Variants in MNAT1 observed in about 807,000 individuals in gnomAD.
The protein encoded by MNAT1 is CDK-activating kinase assembly factor MAT1.
A neutral mutation model predicts 42.0 loss-of-function variants in MNAT1; 43 were observed. That is an observed-to-expected ratio of 1.02 (90% confidence interval 0.80 to 1.32). The LOEUF is 1.32. MNAT1 is among the 40% of genes most tolerant of loss of function. The probability of loss-of-function intolerance (pLI) is 0.00; values close to 1 mark genes in which losing one functional copy is unlikely to be tolerated. For missense variants in MNAT1, 306 were observed against 350.4 expected (o/e 0.87, Z 1.01); for synonymous variants, 118 against 120.0 (o/e 0.98, Z 0.11).
chr14:60,862,013 A>G (rs1041950314), intron 6 of MNAT1, among the ~76,000 whole-genome samples: 3 of 152,262 alleles, frequency 2.0e-5, no homozygotes, highest in Non-Finnish European at 2.9e-5. Context: ...CCGAATTACA[A>G]TTGAACTTTG....
In MNAT1 at chr14:60,748,198, G is replaced by GA. The variant is rs900772970; in HGVS notation, c.89+13260dup. The stretch of plus-strand genomic sequence containing the variant: ...GACAACAGAGCGAGACTCTGTCTCA[G>GA]AAAAAAAAAAAAAGAAGAAAATATT... On this transcript the variant is annotated intron_variant, in intron 1 of 7. Transcript: ENST00000261245. 7.0e-3 allele frequency among the ~76,000 whole-genome samples: 957 copies of GA among 136,128 alleles called. 14 individuals carry two copies. The highest frequency in any genetic ancestry group is 0.058 in the East Asian group (271 of 4,702). 89.3% of individuals were successfully genotyped at this position (136,128 alleles called of 152,430 possible). A position where few individuals can be genotyped will look rare whatever the true frequency, so the allele number is the denominator to read the frequency against.
chr14:60,899,716 C>T (rs1452385903), intron 7 of MNAT1, among the ~76,000 whole-genome samples: 1 of 152,156 alleles, frequency 6.6e-6, no homozygotes, highest in African/African-American at 2.4e-5. Context: ...AAATCTATGA[C>T]TCTTGAAGAA....
At chr14:60,880,820 G>A (rs2351281) in intron 7 of MNAT1, among the ~76,000 whole-genome samples, 143,366 of 152,228 alleles carry the variant, frequency 0.94, 67,826 homozygotes, top group Non-Finnish European at 0.99. Flanking sequence ...CCTACAGCCT[G>A]CAAGCATGAA....
intron 7 of MNAT1, among the ~76,000 whole-genome samples, chr14:60,925,928 A>G (rs1244769256): frequency 6.6e-6 from 1 of 152,210 alleles, no homozygotes; most frequent in Non-Finnish European, 1.5e-5. Flanking sequence ...TGCCAGAGTA[A>G]TGTTATAGAA....
intron 1 of MNAT1, among the ~76,000 whole-genome samples, chr14:60,790,150 TA>T (rs2031772973): frequency 6.6e-6 from 1 of 152,122 alleles, no homozygotes; most frequent in Admixed American, 6.5e-5. Flanking sequence ...TTAGGATGAT[TA>T]TTTTCATAGG....
chr14:60,901,326 A>G (rs185428236), intron 7 of MNAT1, among the ~76,000 whole-genome samples: 1 of 152,312 alleles, frequency 6.6e-6, no homozygotes, highest in Non-Finnish European at 1.5e-5. Flanking sequence ...ACTGCTACTC[A>G]TTGACATTAC....
At chr14:60,837,432 C>T (rs2033423273) in intron 6 of MNAT1, among the ~76,000 whole-genome samples, 1 of 152,186 alleles carries the variant, frequency 6.6e-6, no homozygotes, top group Non-Finnish European at 1.5e-5. Context: ...GGCACCGTTC[C>T]TCACGGTGCA....
At chr14:60,937,889 A>G (rs910028454) in intron 7 of MNAT1, among the ~76,000 whole-genome samples, 2 of 151,900 alleles carry the variant, frequency 1.3e-5, no homozygotes, top group African/African-American at 4.8e-5. Context: ...ATTTGTTTGT[A>G]TCCTCTTTTA....
In MNAT1 at chr14:60,968,643, A is replaced by G. The variant is rs1205710429; in HGVS notation, c.*294A>G. ...GTGTTTGAGGTTGTGACAGACTTAT[A>G]AAATCTTTTTAAAAAATAAAGCTAT... On this transcript the variant is annotated 3_prime_UTR_variant, in exon 8 of 8. Coordinates refer to ENST00000261245, the MANE Select transcript of MNAT1 (RefSeq NM_002431.4). 3.0e-6 allele frequency: 2 copies of G among 676,026 alleles called. No individual in the cohort carries two copies. Among genetic ancestry groups the G allele is most frequent in the Non-Finnish European group, 4.3e-6 (2 of 461,474 alleles). The allele number at this position is 676,026 out of a possible 1,614,324, so 41.9% of individuals were successfully genotyped here. A position where few individuals can be genotyped will look rare whatever the true frequency, so the allele number is the denominator to read the frequency against.
intron 1 of MNAT1, among the ~76,000 whole-genome samples, chr14:60,736,754 T>C (rs761317089): frequency 4.6e-5 from 7 of 152,188 alleles, no homozygotes; most frequent in Admixed American, 6.5e-5. Context: ...TTCTTGTTGG[T>C]ACAATAGAGA....
At chr14:60,836,587 T>C (rs537070469) in intron 6 of MNAT1, among the ~76,000 whole-genome samples, 1 of 152,214 alleles carries the variant, frequency 6.6e-6, no homozygotes, top group African/African-American at 2.4e-5. Context: ...CAGCAAAGAT[T>C]GCCGGCTCTT....
chr14:60,949,655 A>T (rs2036345278), intron 7 of MNAT1, among the ~76,000 whole-genome samples: 1 of 152,188 alleles, frequency 6.6e-6, no homozygotes. Flanking sequence ...TTCTTTACAC[A>T]TGAAATTTTT....
rs564269113 is a variant in MNAT1, at chr14:60,917,581, C to T, written c.809+37746C>T. On this transcript the variant is annotated intron_variant, in intron 7 of 7. Transcript: ENST00000261245. ...ACTTGTATATGTTGAATCCATATTT[C>T]AAATACATCTCTAATAGATTTGAGT... 2.6e-5 allele frequency among the ~76,000 whole-genome samples: 4 copies of T among 151,784 alleles called. No homozygotes were observed. In the East Asian group the frequency reaches 7.7e-4, roughly 29 times the overall value.
At chr14:60,842,891 T>C (rs1018492509) in intron 6 of MNAT1, among the ~76,000 whole-genome samples, 5 of 152,316 alleles carry the variant, frequency 3.3e-5, no homozygotes, top group Admixed American at 6.5e-5. Flanking sequence ...TGAGAGAGCA[T>C]CCTATTGCAT....
At chr14:60,837,071 C>G (rs1566787793) in intron 6 of MNAT1, among the ~76,000 whole-genome samples, 1 of 152,300 alleles carries the variant, frequency 6.6e-6, no homozygotes, top group Middle Eastern at 3.4e-3. Context: ...TGCCCCTACC[C>G]CCACCAAGCT....
chr14:60,875,171 T>C (rs2139456305), intron 6 of MNAT1, among the ~76,000 whole-genome samples: 1 of 152,248 alleles, frequency 6.6e-6, no homozygotes. Flanking sequence ...GTACCTGAGC[T>C]ACTAGAATTT....
At chr14:60,956,062 C>A (rs1237129426) in intron 7 of MNAT1, among the ~76,000 whole-genome samples, 1 of 151,984 alleles carries the variant, frequency 6.6e-6, no homozygotes, top group African/African-American at 2.4e-5. Context: ...GGCTTCCTTA[C>A]ACTAACTAGT....
chr14:60,811,675 C>G (rs1306621346), intron 4 of MNAT1, among the ~76,000 whole-genome samples: 2 of 152,150 alleles, frequency 1.3e-5, no homozygotes, highest in Non-Finnish European at 2.9e-5. Context: ...CCCAATTGAT[C>G]TTTATGTATA....
chr14:60,793,007 A>ACTT (rs537828943), intron 1 of MNAT1, among the ~76,000 whole-genome samples: 2 of 149,632 alleles, frequency 1.3e-5, no homozygotes, highest in African/African-American at 4.9e-5. Flanking sequence ...ATCAACTACT[A>ACTT]CTTCTTCTTC....
Sources: gnomAD v4.1 joint callset for allele counts (sites outside exome capture counted in the v4.1 genomes callset) on GRCh38, gnomAD v4.1.1 for gene constraint, MANE v1.5 for transcripts, NCBI Gene and HGNC (gene_info 2026-07-23, HGNC 2026-07-21) for gene names.